Variants in KCNH5 observed in about 807,000 individuals in gnomAD.
The protein encoded by KCNH5 is potassium voltage-gated channel subfamily H member 5, also known as voltage-gated delayed rectifier potassium channel KCNH5.
Under a neutral mutation model 96.1 loss-of-function variants are expected in KCNH5, and 46 were observed. The ratio of observed to expected loss-of-function variants is 0.48; its 90% CI spans 0.38 to 0.61. KCNH5 has a LOEUF of 0.61. Among genes scored for constraint, KCNH5 ranks in the 20% least tolerant of loss-of-function variants. The pLI is 0.00. For missense variants in KCNH5, 907 were observed against 1,225.8 expected (o/e 0.74, Z 3.88); for synonymous variants, 439 against 449.8 (o/e 0.98, Z 0.30).
At position 62,713,050 on chromosome 14, in the gene KCNH5, C is replaced by T. The variant is rs181721529; in HGVS notation, c.2020-4595G>A. On this transcript the variant is annotated intron_variant, in intron 10 of 10. Transcript: ENST00000322893. ...CACTTACACCTAAATCATTTGTTTACGAGAATAGGGATTTCTGTCTGCTTT... is the reference window on the plus strand; with the variant it reads ...CACTTACACCTAAATCATTTGTTTATGAGAATAGGGATTTCTGTCTGCTTT... Among the ~76,000 whole-genome samples, 253 of 152,266 alleles carry T rather than the reference C, an allele frequency of 1.7e-3. 1 individual carries two copies. Among genetic ancestry groups the T allele is most frequent in the African/African-American group, 5.9e-3 (247 of 41,560 alleles).
intron 5 of KCNH5, among the ~76,000 whole-genome samples, chr14:62,983,242 C>T (rs552469553): frequency 8.2e-4 from 124 of 152,094 alleles, no homozygotes; most frequent in Non-Finnish European, 1.3e-3. Context: ...GGCTTGTTGG[C>T]ACGTGCCTGC....
At chr14:62,735,522 G>A (rs1426125016) in intron 10 of KCNH5, among the ~76,000 whole-genome samples, 6 of 152,080 alleles carry the variant, frequency 3.9e-5, no homozygotes, top group Non-Finnish European at 7.4e-5. Flanking sequence ...CTACTACTGG[G>A]ATCAGGATAA....
chr14:62,830,563 C>A (rs1276237120), intron 8 of KCNH5, among the ~76,000 whole-genome samples: 3 of 152,138 alleles, frequency 2.0e-5, no homozygotes, highest in Non-Finnish European at 4.4e-5. Context: ...GGAACTGCCA[C>A]ACACTTTTAA....
At chr14:62,979,462 A>T (rs1399406095) in intron 6 of KCNH5, among the ~76,000 whole-genome samples, 4 of 152,034 alleles carry the variant, frequency 2.6e-5, no homozygotes, top group Admixed American at 2.0e-4. Context: ...TAGTTGGTTG[A>T]ACGTAAATAT....
In KCNH5 at chr14:62,779,846, G is replaced by A. The variant is rs1376117078; in HGVS notation, c.1901C>T (p.Thr634Met). 8 of 1,613,562 alleles carry A rather than the reference G, an allele frequency of 5.0e-6. No homozygotes were observed. The highest frequency in any genetic ancestry group is 3.3e-5 in the Admixed American group (2 of 59,958). The stretch of plus-strand genomic sequence containing the variant: ...CTTGATGATGTGTAGGTCACAGTAC[G>A]TCAGTGCCCGGACGTTCGCACATGC... Reference protein sequence around the residue: ...AHACANVRALTYCDLHIIKRE... With the variant: ...AHACANVRALMYCDLHIIKRE... The change falls in exon 10 of 11, where the codon ACG becomes ATG. Residue 634 changes from threonine to methionine, a missense_variant. By Grantham distance (81) the Thr-to-Met change is moderately conservative. Transcript: ENST00000322893.
chr14:63,019,026 T>A (rs1891379239), intron 1 of KCNH5, among the ~76,000 whole-genome samples: 1 of 150,324 alleles, frequency 6.7e-6, no homozygotes, highest in Non-Finnish European at 1.5e-5. Context: ...CAAACTGAAG[T>A]AAAAGAGAAA....
chr14:63,037,565 T>C (rs1333925934), intron 1 of KCNH5, among the ~76,000 whole-genome samples: 8 of 152,122 alleles, frequency 5.3e-5, no homozygotes, highest in Non-Finnish European at 1.2e-4. Context: ...AAAAATAAAA[T>C]CATTGTGCTT....
chr14:62,740,598 A>C (rs1247941615), intron 10 of KCNH5, among the ~76,000 whole-genome samples: 1 of 152,202 alleles, frequency 6.6e-6, no homozygotes, highest in Non-Finnish European at 1.5e-5. Context: ...CCAAAAGGAT[A>C]ACATCCCTAT....
chr14:62,837,973 T>C (rs576397192), intron 8 of KCNH5, among the ~76,000 whole-genome samples: 2 of 152,256 alleles, frequency 1.3e-5, no homozygotes, highest in South Asian at 4.1e-4. Context: ...AGTGACTGGT[T>C]TTCCCTAGGC....
At chr14:62,889,804 T>A (rs1410672246) in intron 7 of KCNH5, among the ~76,000 whole-genome samples, 1 of 152,234 alleles carries the variant, frequency 6.6e-6, no homozygotes, top group Non-Finnish European at 1.5e-5. Context: ...ATTGAATGTA[T>A]AACTACATAG....
chr14:62,731,978 G>C (rs1885060306), intron 10 of KCNH5, among the ~76,000 whole-genome samples: 2 of 152,188 alleles, frequency 1.3e-5, no homozygotes, highest in African/African-American at 4.8e-5. Context: ...TGATCGTGTA[G>C]AAACTCTAGC....
At chr14:62,805,415 T>C (rs1886746844) in intron 8 of KCNH5, among the ~76,000 whole-genome samples, 1 of 152,186 alleles carries the variant, frequency 6.6e-6, no homozygotes, top group South Asian at 2.1e-4. Flanking sequence ...TATCAAAAAG[T>C]GACAAGGTAA....
chr14:62,752,920 T>C (rs1427605607), intron 10 of KCNH5, among the ~76,000 whole-genome samples: 1 of 152,188 alleles, frequency 6.6e-6, no homozygotes, highest in Admixed American at 6.5e-5. Flanking sequence ...ACCTCTTTTG[T>C]TTATAAATTA....
chr14:62,752,793 C>T (rs1301389839), intron 10 of KCNH5, among the ~76,000 whole-genome samples: 2 of 152,102 alleles, frequency 1.3e-5, no homozygotes, highest in Non-Finnish European at 2.9e-5. Flanking sequence ...CTGGCAGTTC[C>T]CCCTCCCTCT....
chr14:62,954,482 T>C (rs1890064403), intron 6 of KCNH5, among the ~76,000 whole-genome samples: 1 of 152,188 alleles, frequency 6.6e-6, no homozygotes, highest in Non-Finnish European at 1.5e-5. Flanking sequence ...ATTCAATAAA[T>C]GAAAGAATAA....
At chr14:63,011,289 C>G (rs1891221998) in intron 2 of KCNH5, among the ~76,000 whole-genome samples, 1 of 151,610 alleles carries the variant, frequency 6.6e-6, no homozygotes, top group African/African-American at 2.4e-5. Flanking sequence ...TCGAGACCAG[C>G]CTGGCCAGCT....
chr14:62,967,221 C>G (rs1487858339), intron 6 of KCNH5, among the ~76,000 whole-genome samples: 1 of 151,994 alleles, frequency 6.6e-6, no homozygotes, highest in Non-Finnish European at 1.5e-5. Context: ...TCCTCACAGT[C>G]TAGATGCAAT....
At chr14:62,878,631 T>A (rs1778057665) in intron 7 of KCNH5, among the ~76,000 whole-genome samples, 1 of 152,140 alleles carries the variant, frequency 6.6e-6, no homozygotes, top group Admixed American at 6.5e-5. Flanking sequence ...AAACCAGCAA[T>A]CTAATTTAAA....
chr14:63,017,940 G>C (rs1219883540), intron 1 of KCNH5, among the ~76,000 whole-genome samples: 2 of 118,930 alleles, frequency 1.7e-5, no homozygotes, highest in African/African-American at 3.5e-5. Context: ...AGTAGTTGCT[G>C]TATAAAAAAC....
Sources: allele counts gnomAD v4.1 joint callset (sites outside exome capture counted in the v4.1 genomes callset), GRCh38; gene constraint gnomAD v4.1.1; transcripts MANE v1.5; gene names NCBI Gene and HGNC (gene_info 2026-07-23, HGNC 2026-07-21).